Variants in NAALADL2 observed in about 807,000 individuals in gnomAD.
NAALADL2 encodes the protein N-acetylated alpha-linked acidic dipeptidase like 2.
A neutral mutation model predicts 87.2 loss-of-function variants in NAALADL2; 76 were observed. The observed-to-expected ratio is 0.87, with a 90% CI of 0.72 to 1.05. NAALADL2 has a LOEUF of 1.05. Among genes scored for constraint, NAALADL2 ranks in the 50% least tolerant of loss-of-function variants. The pLI, the probability that NAALADL2 is intolerant of heterozygous loss-of-function variation, is 0.00. For missense variants in NAALADL2, 1,089 were observed against 945.8 expected (o/e 1.15, Z -1.99); for synonymous variants, 354 against 331.0 (o/e 1.07, Z -0.75).
chr3:174,851,361 C>CT (rs1318011244), intron 3 of NAALADL2, among the ~76,000 whole-genome samples: 555 of 68,220 alleles, frequency 8.1e-3, no homozygotes, highest in Middle Eastern at 0.045. Flanking sequence ...TTCAGCCAGA[C>CT]TAAAAAAAAA....
intron 1 of NAALADL2, among the ~76,000 whole-genome samples, chr3:174,919,244 A>C (rs777088172): frequency 5.3e-5 from 8 of 152,070 alleles, no homozygotes; most frequent in Non-Finnish European, 1.2e-4. Flanking sequence ...ACATTCATTG[A>C]CTTCCTTTTA....
intron 4 of NAALADL2, among the ~76,000 whole-genome samples, chr3:175,307,566 T>G (rs1757871391): frequency 6.6e-6 from 1 of 152,198 alleles, no homozygotes; most frequent in Non-Finnish European, 1.5e-5. Flanking sequence ...CATATATTTC[T>G]TTAACACTGT....
At chr3:175,427,291 A>G (rs978284044) in intron 5 of NAALADL2, among the ~76,000 whole-genome samples, 2 of 152,202 alleles carry the variant, frequency 1.3e-5, no homozygotes, top group Non-Finnish European at 2.9e-5. Context: ...TTTGGGGGGT[A>G]GTTTCTCATA....
chr3:174,766,197 T>C (rs1182883413), intron 3 of NAALADL2, among the ~76,000 whole-genome samples: 1 of 152,212 alleles, frequency 6.6e-6, no homozygotes, highest in African/African-American at 2.4e-5. Flanking sequence ...CATTCACTTC[T>C]GATATCATGT....
chr3:175,360,625 G>A (rs139299619), intron 5 of NAALADL2, among the ~76,000 whole-genome samples: 144 of 152,100 alleles, frequency 9.5e-4, no homozygotes, highest in African/African-American at 3.1e-3. Context: ...ATTTGGCTAG[G>A]TATGAAATAC....
chr3:175,329,635 A>G (rs1438604703), intron 5 of NAALADL2, among the ~76,000 whole-genome samples: 1 of 152,170 alleles, frequency 6.6e-6, no homozygotes, highest in Non-Finnish European at 1.5e-5. Context: ...GGTTGGGGAA[A>G]ATAAAGTGTC....
chr3:174,848,578 T>G (rs1176072894), intron 3 of NAALADL2, among the ~76,000 whole-genome samples: 2 of 152,194 alleles, frequency 1.3e-5, no homozygotes, highest in African/African-American at 4.8e-5. Context: ...ACTCACTGAC[T>G]GTGAGCCTTT....
rs1560000081 is a variant in NAALADL2 at position 175,081,241 on chromosome 3, A to G, written c.44-15549A>G. 17 of 152,244 alleles carry G rather than the reference A, an allele frequency of 1.1e-4. 1 individual carries two copies. 9.4% of individuals were successfully genotyped at this position (152,244 alleles called of 1,614,324 possible). A position where few individuals can be genotyped will look rare whatever the true frequency, so the allele number is the denominator to read the frequency against. On this transcript the variant is annotated intron_variant, in intron 1 of 13. Coordinates refer to ENST00000454872, the MANE Select transcript of NAALADL2 (RefSeq NM_207015.3). ...AGACAAAATTTCTATAAGTGTAATT[A>G]TGTTATCAAATATAATGTGATAAAT...
chr3:174,837,528 T>C lies in NAALADL2; in HGVS notation c.-9+99782T>C, dbSNP rs577130090. Among the ~76,000 whole-genome samples, 551 of 152,322 alleles carry C rather than the reference T, an allele frequency of 3.6e-3. 3 individuals carry two copies. Among genetic ancestry groups the C allele is most frequent in the Middle Eastern group, 0.02 (6 of 294 alleles). On this transcript the variant is annotated intron_variant, in intron 3 of 3. Coordinates refer to the NAALADL2 transcript ENST00000434257. ...ATAATTACCAGTTGGCCACAGTGGCTCACGCCTGTAATCCCAGCACTTTGG... is the reference window on the plus strand; with the variant it reads ...ATAATTACCAGTTGGCCACAGTGGCCCACGCCTGTAATCCCAGCACTTTGG...
At chr3:175,610,452 A>G (rs1184289277) in intron 10 of NAALADL2, among the ~76,000 whole-genome samples, 1 of 152,126 alleles carries the variant, frequency 6.6e-6, no homozygotes, top group Non-Finnish European at 1.5e-5. Flanking sequence ...GAAAATATTT[A>G]AGAATTTTTC....
chr3:174,902,975 A>T (rs1732490412), intron 1 of NAALADL2, among the ~76,000 whole-genome samples: 2 of 152,106 alleles, frequency 1.3e-5, no homozygotes, highest in Admixed American at 1.3e-4. Flanking sequence ...TACCTTTATC[A>T]TACTCCTGGG....
chr3:174,690,660 A>C (rs1728491163), intron 2 of NAALADL2, among the ~76,000 whole-genome samples: 1 of 152,182 alleles, frequency 6.6e-6, no homozygotes, highest in South Asian at 2.1e-4. Context: ...GTGACAAAGA[A>C]TTGAATGATG....
chr3:174,818,996 TAAAAAGAA>T (rs375217298), intron 3 of NAALADL2, among the ~76,000 whole-genome samples: 273 of 151,190 alleles, frequency 1.8e-3, no homozygotes, highest in African/African-American at 6.3e-3. Context: ...GCCACTGAGT[TAAAAAGAA>T]GAAATAATTC....
chr3:175,652,680 A>T (rs536092979), intron 11 of NAALADL2, among the ~76,000 whole-genome samples: 1 of 151,882 alleles, frequency 6.6e-6, no homozygotes, highest in South Asian at 2.1e-4. Flanking sequence ...GGGTTTCACC[A>T]TGTTAGCCAG....
intron 1 of NAALADL2, among the ~76,000 whole-genome samples, chr3:174,944,631 AG>A (rs1262492002): frequency 6.6e-6 from 1 of 152,124 alleles, no homozygotes; most frequent in Admixed American, 6.5e-5. Context: ...TTCTTTTGCC[AG>A]GAAGCCTAGG....
intron 1 of NAALADL2, among the ~76,000 whole-genome samples, chr3:174,989,178 C>A (rs1644697551): frequency 6.6e-6 from 1 of 152,188 alleles, no homozygotes; most frequent in African/African-American, 2.4e-5. Context: ...AGACCTGTCC[C>A]CATGACTCAA....
At chr3:175,623,595 G>A (rs1726555067) in intron 10 of NAALADL2, among the ~76,000 whole-genome samples, 1 of 152,048 alleles carries the variant, frequency 6.6e-6, no homozygotes, top group Non-Finnish European at 1.5e-5. Flanking sequence ...CCTATGACAA[G>A]TGTTTCTCTA....
chr3:174,823,166 T>TG (rs1721610280), intron 3 of NAALADL2, among the ~76,000 whole-genome samples: 1 of 152,220 alleles, frequency 6.6e-6, no homozygotes. Context: ...ATTTGTTCTT[T>TG]GTCCCAAGTG....
chr3:174,527,791 A>T (rs781351746), intron 1 of NAALADL2, among the ~76,000 whole-genome samples: 1 of 152,168 alleles, frequency 6.6e-6, no homozygotes, highest in Non-Finnish European at 1.5e-5. Context: ...AGTGTTTCTT[A>T]TGTTCTGGGA....
Sources: gnomAD v4.1 joint callset for allele counts (sites outside exome capture counted in the v4.1 genomes callset) on GRCh38, gnomAD v4.1.1 for gene constraint, MANE v1.5 for transcripts, NCBI Gene and HGNC (gene_info 2026-07-23, HGNC 2026-07-21) for gene names.